CNTNAP2: variants seen among roughly 807,000 people sequenced by gnomAD.
CNTNAP2 encodes contactin associated protein 2.
CNTNAP2 carries 98 observed loss-of-function variants against 155.2 expected under a neutral mutation model. The ratio of observed to expected loss-of-function variants is 0.63; its 90% CI spans 0.54 to 0.75. CNTNAP2 has a LOEUF of 0.75. Ranked by LOEUF, CNTNAP2 falls within the 30% of genes least tolerant of loss-of-function variation. The probability of loss-of-function intolerance (pLI) is 0.00; values close to 1 mark genes in which losing one functional copy is unlikely to be tolerated. For synonymous variants in CNTNAP2, 651 were observed against 631.2 expected (o/e 1.03, Z -0.47); for missense variants, 1,727 against 1,688.1 (o/e 1.02, Z -0.40).
chr7:148,403,609 C>T (rs993491308), intron 22 of CNTNAP2, among the ~76,000 whole-genome samples: 7 of 152,084 alleles, frequency 4.6e-5, no homozygotes, highest in Admixed American at 2.0e-4. Context: ...GTGAGGGGAA[C>T]GTGGATGTTA....
intron 15 of CNTNAP2, among the ~76,000 whole-genome samples, chr7:147,998,792 A>T (rs577414272): frequency 6.6e-6 from 1 of 152,242 alleles, no homozygotes; most frequent in African/African-American, 2.4e-5. Context: ...ACAAATGCCA[A>T]TAATCCCAGA....
At chr7:146,973,168 A>T (rs1797837302) in intron 3 of CNTNAP2, among the ~76,000 whole-genome samples, 1 of 152,146 alleles carries the variant, frequency 6.6e-6, no homozygotes, top group Non-Finnish European at 1.5e-5. Flanking sequence ...AGCTGGAATT[A>T]TAGGCACGTG....
At chr7:147,394,067 ATCC>A (rs1796768318) in intron 9 of CNTNAP2, among the ~76,000 whole-genome samples, 1 of 152,018 alleles carries the variant, frequency 6.6e-6, no homozygotes, top group South Asian at 2.1e-4. Flanking sequence ...AGTTCCCATA[ATCC>A]CTGTATGTCA....
chr7:147,856,456 C>A (rs1045549353), intron 13 of CNTNAP2, among the ~76,000 whole-genome samples: 8 of 152,132 alleles, frequency 5.3e-5, no homozygotes, highest in African/African-American at 1.9e-4. Flanking sequence ...CCGAAACACC[C>A]TCCTCATAAC....
intron 5 of CNTNAP2, among the ~76,000 whole-genome samples, chr7:147,113,128 G>A (rs1584851619): frequency 1.3e-5 from 2 of 152,064 alleles, no homozygotes; most frequent in East Asian, 1.9e-4. Flanking sequence ...GGGTGCATGT[G>A]TCCAGAAATT....
intron 13 of CNTNAP2, among the ~76,000 whole-genome samples, chr7:147,726,796 A>T (rs1384709944): frequency 6.6e-6 from 1 of 152,034 alleles, no homozygotes; most frequent in Non-Finnish European, 1.5e-5. Flanking sequence ...AAATAACTTC[A>T]ACAGTTTTTA....
chr7:147,627,452 C>T (rs1795002739), intron 12 of CNTNAP2, among the ~76,000 whole-genome samples: 1 of 151,970 alleles, frequency 6.6e-6, no homozygotes, highest in South Asian at 2.1e-4. Flanking sequence ...AATCCCAGCA[C>T]TTTGGGAGGC....
At chr7:147,057,841 C>A (rs1372855288) in intron 4 of CNTNAP2, among the ~76,000 whole-genome samples, 3 of 152,128 alleles carry the variant, frequency 2.0e-5, no homozygotes, top group Non-Finnish European at 4.4e-5. Flanking sequence ...GCAGAAAGCA[C>A]GTACTGCATG....
intron 17 of CNTNAP2, among the ~76,000 whole-genome samples, chr7:148,166,939 A>G (rs186899428): frequency 1.3e-5 from 2 of 152,320 alleles, no homozygotes; most frequent in Non-Finnish European, 1.5e-5. Context: ...ATATATAATG[A>G]CCGTTTTCAG....
At chr7:148,342,403 G>A (rs182186195) in intron 21 of CNTNAP2, among the ~76,000 whole-genome samples, 1 of 152,136 alleles carries the variant, frequency 6.6e-6, no homozygotes. Context: ...TTAATATTTA[G>A]TATTTTCTCA....
intron 8 of CNTNAP2, among the ~76,000 whole-genome samples, chr7:147,219,942 AT>A (rs34947567): frequency 0.42 from 51,166 of 122,928 alleles, 9,143 homozygotes; most frequent in Non-Finnish European, 0.47. Context: ...CGCCCAGCTA[AT>A]TTTTTTTTTT....
chr7:147,502,741 G>GTATATATATATA (rs71183011), intron 11 of CNTNAP2, among the ~76,000 whole-genome samples: 1,647 of 99,886 alleles, frequency 0.016, 10 homozygotes, highest in Non-Finnish European at 0.026. Context: ...GTGTGTGTGT[G>GTATATATATATA]TATATATATA....
At chr7:146,559,858 AAT>A (rs1165176394) in intron 1 of CNTNAP2, among the ~76,000 whole-genome samples, 10 of 152,206 alleles carry the variant, frequency 6.6e-5, no homozygotes, top group Non-Finnish European at 8.8e-5. Context: ...ATACAAAAAA[AAT>A]GACACAATTA....
intron 3 of CNTNAP2, among the ~76,000 whole-genome samples, chr7:146,961,185 T>C (rs1200901828): frequency 6.6e-6 from 1 of 152,208 alleles, no homozygotes; most frequent in East Asian, 1.9e-4. Context: ...TACATTTTCA[T>C]TCCCCTGCTG....
intron 9 of CNTNAP2, among the ~76,000 whole-genome samples, chr7:147,318,029 TTC>T (rs1470456264): frequency 6.6e-5 from 10 of 152,100 alleles, no homozygotes; most frequent in African/African-American, 2.4e-4. Flanking sequence ...ATGTTCTCCT[TTC>T]TTTTTTCGTT....
At chr7:146,666,804 C>A (rs1800203568) in intron 1 of CNTNAP2, among the ~76,000 whole-genome samples, 1 of 152,068 alleles carries the variant, frequency 6.6e-6, no homozygotes, top group Admixed American at 6.6e-5. Flanking sequence ...TGAGAAACAT[C>A]AGTTCAGATC....
At chr7:147,553,242 C>T (rs114897539) in intron 11 of CNTNAP2, among the ~76,000 whole-genome samples, 424 of 152,132 alleles carry the variant, frequency 2.8e-3, no homozygotes, top group African/African-American at 9.6e-3. Flanking sequence ...AATCTAAGAT[C>T]GCAGAGACCA....
chr7:147,677,427 T>C (rs1007808709), intron 13 of CNTNAP2, among the ~76,000 whole-genome samples: 7 of 151,912 alleles, frequency 4.6e-5, no homozygotes, highest in Admixed American at 3.9e-4. Flanking sequence ...CCTTATCAGA[T>C]GTGTAGTTTG....
At chr7:146,774,987 GA>G (rs1802363521) in intron 2 of CNTNAP2, among the ~76,000 whole-genome samples, 1 of 152,058 alleles carries the variant, frequency 6.6e-6, no homozygotes, top group South Asian at 2.1e-4. Flanking sequence ...CATAATTAAG[GA>G]CAGAGGCAAA....
Sources: gnomAD v4.1 joint callset for allele counts (sites outside exome capture counted in the v4.1 genomes callset) on GRCh38, gnomAD v4.1.1 for gene constraint, MANE v1.5 for transcripts, NCBI Gene and HGNC (gene_info 2026-07-23, HGNC 2026-07-21) for gene names.